The following NFRKB variants were observed in gnomAD, a reference collection of about 807,000 sequenced individuals.
NFRKB encodes nuclear factor related to kappa-B-binding protein.
Under a neutral mutation model 135.7 loss-of-function variants are expected in NFRKB, and 62 were observed. The ratio of observed to expected loss-of-function variants is 0.46; its 90% CI spans 0.37 to 0.56. The LOEUF (loss-of-function observed/expected upper bound fraction) is 0.56, where lower values mean the gene tolerates loss of function less well. Ranked by LOEUF, NFRKB falls within the 20% of genes least tolerant of loss-of-function variation. The pLI, the probability that NFRKB is intolerant of heterozygous loss-of-function variation, is 0.00. For missense variants in NFRKB, 1,545 were observed against 1,662.0 expected, an observed-to-expected ratio of 0.93 and a Z score of 1.22; for synonymous variants, 678 against 635.6, an observed-to-expected ratio of 1.07 and a Z score of -1.00.
At position 129,881,525 on chromosome 11, in the gene NFRKB, A is replaced by G; in HGVS notation, c.1319-17T>C. Reference sequence around the variant, plus strand: ...AAGGAACAGCTGCAAGAAATGGACCACATAAACAAACCATACAGGTGCGTC... The same window carrying G: ...AAGGAACAGCTGCAAGAAATGGACCGCATAAACAAACCATACAGGTGCGTC... On this transcript the variant is annotated splice_polypyrimidine_tract_variant and intron_variant, in intron 12 of 26. Transcript: ENST00000682444. The G allele has an allele frequency of 6.2e-7, 1 of 1,614,106 alleles. No homozygotes were observed. The highest frequency in any genetic ancestry group is 8.5e-7 in the Non-Finnish European group (1 of 1,179,960).
At chr11:129,887,286 A>C (rs903037889) in intron 4 of NFRKB, among the ~76,000 whole-genome samples, 2 of 152,210 alleles carry the variant, frequency 1.3e-5, no homozygotes, top group African/African-American at 4.8e-5. Context: ...GCTTTTGGAA[A>C]ATGAGACTAT....
intron 11 of NFRKB, 109 bp downstream of exon 11, chr11:129,881,977 T>C: frequency 1.4e-6 from 2 of 1,457,010 alleles, no homozygotes; most frequent in Non-Finnish European, 1.8e-6. Context: ...GCAAGTTAAC[T>C]ACAGAGCGTT....
rs141941171 is a variant in NFRKB at position 129,877,775 on chromosome 11, A to C, written c.1512-390T>G. ...CCAGGGAAAGTACCCGGGGCTTGAG[A>C]TCTACACCTCTATTACATGAAGCAA... On this transcript the variant is annotated intron_variant, in intron 15 of 26. Transcript: ENST00000682444. Among the ~76,000 whole-genome samples the C allele has an allele frequency of 2.8e-3, 424 of 152,204 alleles. 1 individual carries two copies. Among genetic ancestry groups the C allele is most frequent in the African/African-American group, 9.7e-3 (401 of 41,534 alleles).
chr11:129,869,912 C>A lies in NFRKB; in HGVS notation c.3113G>T (p.Gly1038Val). The A allele has an allele frequency of 1.2e-6, 2 of 1,614,222 alleles. No individual in the cohort carries two copies. The highest frequency in any genetic ancestry group is 1.7e-6 in the Non-Finnish European group (2 of 1,180,042). The change falls in exon 24 of 27, where the codon GGT (glycine) becomes GTT (valine). Residue 1038 changes from glycine (G) to valine (V), a missense_variant. Coordinates refer to ENST00000682444, the MANE Select transcript of NFRKB (RefSeq NM_001143835.2). ...AGGAGTCACTTTGACCACAGTGGTA[C>A]CTGTTGGAGTGGATGAAGGGGCACT... ...SASAPSSTPT[G>V]TTVVKVTPDL...
Position 129,884,798 on chromosome 11 carries a change from G to A in NFRKB, c.689C>T (p.Ala230Val), listed in dbSNP as rs200642140. ...PSSPARSPSP[A>V]VPLRVVPTLS... ...TGTGGGCACCACCCGCAGGGGCACC[G>A]CAGGACTAGGAGAACGTGCTGGAGA... Residue 230 changes from alanine (A) to valine (V), a missense_variant, in exon 7 of 27, where the codon GCG becomes GTG. Coordinates refer to ENST00000682444, the MANE Select transcript of NFRKB (RefSeq NM_001143835.2). 4.6e-5 allele frequency: 75 copies of A among 1,614,076 alleles called. No homozygotes were observed. Among genetic ancestry groups the A allele is most frequent in the Non-Finnish European group, 5.6e-5 (66 of 1,180,042 alleles).
intron 6 of NFRKB, 113 bp from the exon 7 acceptor site, chr11:129,884,959 G>A: frequency 6.6e-7 from 1 of 1,515,764 alleles, no homozygotes; most frequent in Non-Finnish European, 9.0e-7. Flanking sequence ...ATGGAGGCCA[G>A]GGTTCCACAA....
chr11:129,872,229 G>A (rs773515938), intron 23 of NFRKB, among the ~76,000 whole-genome samples: 1 of 152,046 alleles, frequency 6.6e-6, no homozygotes, highest in Non-Finnish European at 1.5e-5. Context: ...ATGAGAATAC[G>A]AGTTCCGCGA....
At chr11:129,882,724 C>A in intron 9 of NFRKB, 93 bp from the exon 10 acceptor site, 1 of 1,283,540 alleles carries the variant, frequency 7.8e-7, no homozygotes, top group Non-Finnish European at 1.1e-6. Context: ...CAAGGCCCAC[C>A]AAAGACAGAA....
rs995865675 is a variant in NFRKB, at chr11:129,882,192, G to C, written c.1085C>G (p.Pro362Arg). Residue 362 changes from proline to arginine, a missense_variant and splice_region_variant, in exon 11 of 27, where the codon CCC (proline) becomes CGC (arginine). Around this residue, in one of 3 missense-constraint regions of NFRKB, gnomAD observed 678 missense variants for 646.7 expected, o/e 1.05. Transcript: ENST00000682444. ...AAGGCAAGGCTTGAGGTCTTCAAGGGGCCTAATGAGGGAAGAAAAATATAA... is the reference window on the plus strand; with the variant it reads ...AAGGCAAGGCTTGAGGTCTTCAAGGCGCCTAATGAGGGAAGAAAAATATAA... Reference protein sequence around the residue: ...PLAIPAIKEEPLEDLKPCLGI... With the variant: ...PLAIPAIKEERLEDLKPCLGI... 1 of 1,595,498 alleles carries C rather than the reference G, an allele frequency of 6.3e-7. No individual in the cohort carries two copies. The highest frequency in any genetic ancestry group is 1.4e-5 in the African/African-American group (1 of 73,404).
rs1948814639 is a variant in NFRKB, at chr11:129,877,332, T to C, written c.1565A>G (p.Gln522Arg). The C allele has an allele frequency of 1.2e-6, 2 of 1,614,064 alleles. No individual in the cohort carries two copies. Among genetic ancestry groups the C allele is most frequent in the African/African-American group, 1.3e-5 (1 of 74,934 alleles). The change falls in exon 16 of 27, where the codon CAG becomes CGG. Residue 522 changes from glutamine (Q) to arginine (R), a missense_variant. Around this residue, in one of 3 missense-constraint regions of NFRKB, gnomAD observed 114 missense variants for 211.0 expected, o/e 0.54. Coordinates refer to ENST00000682444, the MANE Select transcript of NFRKB (RefSeq NM_001143835.2). ...TGGCTTTTAGGTTCTTACCTGCTCC[T>C]GAAAAACCCGTTTCTCCTCCCCCGT... is the stretch of plus-strand genomic sequence containing the variant. ...PSTGEEKRVF[Q>R]EQERYRYSQP...
In NFRKB at chr11:129,873,689, A is replaced by C; in HGVS notation, c.2550+56T>G. On this transcript the variant is annotated intron_variant, in intron 22 of 26. Coordinates refer to ENST00000682444, the MANE Select transcript of NFRKB (RefSeq NM_001143835.2). ...CCAGACACTGCCCATCTGACTCATC[A>C]GCCCACCTCTGGGTCTGCATCTCTG... is the stretch of plus-strand genomic sequence containing the variant. 5 of 1,585,632 alleles carry C rather than the reference A, an allele frequency of 3.2e-6. No individual in the cohort carries two copies. The South Asian group carries it at 5.7e-5, about 18-fold the overall frequency.
Position 129,869,780 on chromosome 11 carries a change from G to A in NFRKB, c.3245C>T (p.Ala1082Val), listed in dbSNP as rs1244366202. The A allele has an allele frequency of 6.2e-7, 1 of 1,614,250 alleles. No individual in the cohort carries two copies. Among genetic ancestry groups the A allele is most frequent in the Non-Finnish European group, 8.5e-7 (1 of 1,180,044 alleles). The stretch of plus-strand genomic sequence containing the variant: ...GATGCGGATCGTGGCAGCTGGTTTT[G>A]CTTCTGAAGAGGCCACTGTGCTTTT... ...KGKSTVASSE[A>V]KPAATIRIVQ... Residue 1082 changes from alanine to valine, a missense_variant, in exon 24 of 27, where the codon GCA (alanine) becomes GTA (valine). Coordinates refer to ENST00000682444, the MANE Select transcript of NFRKB (RefSeq NM_001143835.2).
intron 24 of NFRKB, among the ~76,000 whole-genome samples, chr11:129,868,817 T>C (rs1012179304): frequency 6.6e-6 from 1 of 152,042 alleles, no homozygotes; most frequent in African/African-American, 2.4e-5. Context: ...TCATCTGAGG[T>C]CAGGATTATC....
rs1165881657 is a variant in NFRKB at position 129,890,021 on chromosome 11, GTTTTTTTGTTTTT to G, written c.136-1239_136-1227del. The stretch of plus-strand genomic sequence containing the variant: ...TACGCTTCTGTGTGATACTTTTTGG[GTTTTTTTGTTTTT>G]TTTTTTTGTTTTTTTAGAGTTCAGG... On this transcript the variant is annotated intron_variant, in intron 3 of 26. Transcript: ENST00000682444. Among the ~76,000 whole-genome samples, 116 of 98,904 alleles carry G rather than the reference GTTTTTTTGTTTTT, an allele frequency of 1.2e-3. 1 individual carries two copies. The highest frequency in any genetic ancestry group is 3.5e-3 in the African/African-American group (98 of 27,808). 64.9% of individuals were successfully genotyped at this position (98,904 alleles called of 152,430 possible).
chr11:129,877,168 C>G (rs768343648), intron 16 of NFRKB, among the ~76,000 whole-genome samples, 157 bp downstream of exon 16: 1 of 152,178 alleles, frequency 6.6e-6, no homozygotes, highest in Non-Finnish European at 1.5e-5. Flanking sequence ...CTTCCCCACA[C>G]CGTTTCCACC....
chr11:129,873,188 T>C (rs974426342), intron 22 of NFRKB, 92 bp from the exon 23 acceptor site: 18 of 1,161,936 alleles, frequency 1.5e-5, no homozygotes, highest in East Asian at 7.8e-5. Flanking sequence ...CCCGGAAGCA[T>C]TGCTCTCAAA....
intron 15 of NFRKB, 33 bp from the exon 16 acceptor site, chr11:129,877,418 C>A: frequency 6.2e-7 from 1 of 1,606,042 alleles, no homozygotes; most frequent in Non-Finnish European, 8.5e-7. Flanking sequence ...TCAACCCTGA[C>A]AGCTGGCACG....
intron 2 of NFRKB, among the ~76,000 whole-genome samples, chr11:129,893,555 CAAAA>C (rs572820032): frequency 1.1e-5 from 1 of 92,756 alleles, no homozygotes; most frequent in African/African-American, 3.9e-5. Context: ...GACCCTGTCT[CAAAA>C]AAAAAAAAAA....
intron 18 of NFRKB, among the ~76,000 whole-genome samples, chr11:129,875,146 T>C (rs1277651549): frequency 1.3e-5 from 2 of 152,216 alleles, no homozygotes; most frequent in Non-Finnish European, 2.9e-5. Context: ...GTGAAGTAAG[T>C]GACCAGTCTG....
Sources: allele counts gnomAD v4.1 joint callset (sites outside exome capture counted in the v4.1 genomes callset), GRCh38; gene constraint gnomAD v4.1.1; regional missense constraint gnomAD v4.1.1; transcripts MANE v1.5; gene names NCBI Gene and HGNC (gene_info 2026-07-23, HGNC 2026-07-21).